The following RADX variants were observed in gnomAD, a reference collection of about 807,000 sequenced individuals.
The protein encoded by RADX is RPA1 related single stranded DNA binding protein, X-linked.
A neutral mutation model predicts 61.6 loss-of-function variants in RADX; 36 were observed. That is an observed-to-expected ratio of 0.58 (90% confidence interval 0.45 to 0.77). RADX has a LOEUF of 0.77. Among genes scored for constraint, RADX ranks in the 30% least tolerant of loss-of-function variants. RADX has a pLI of 0.00. For synonymous variants in RADX, 272 were observed against 237.9 expected (o/e 1.14, Z -1.32); for missense variants, 497 against 651.1 (o/e 0.76, Z 2.58).
In RADX at chrX:106,621,775, G is replaced by A. The variant is rs772069846; in HGVS notation, c.644-876G>A. 6.4e-5 allele frequency among the ~76,000 whole-genome samples: 7 copies of A among 110,124 alleles called. No homozygotes were observed. In the East Asian group the frequency reaches 1.7e-3, roughly 27 times the overall value. ...TTGAGCAAAACTTGAAGAGAGGAGG[G>A]AGAAAGTCATTTGGATATATAAAGG... On this transcript the variant is annotated intron_variant, in intron 1 of 13. Transcript: ENST00000372548.
At chrX:106,649,672 G>A (rs751121035) in intron 11 of RADX, among the ~76,000 whole-genome samples, 76 of 111,554 alleles carry the variant, frequency 6.8e-4, no homozygotes, top group African/African-American at 2.3e-3. Flanking sequence ...CCTATTCCAT[G>A]CTGTTTTGGA....
At chrX:106,626,170 C>A (rs1440728277) in intron 3 of RADX, among the ~76,000 whole-genome samples, 2 of 111,313 alleles carry the variant, frequency 1.8e-5, no homozygotes, top group Admixed American at 9.6e-5. Flanking sequence ...TTGTAGATTA[C>A]ATTGCTTAAG....
At chrX:106,634,422 C>T (rs1401426621) in intron 6 of RADX, among the ~76,000 whole-genome samples, 1 of 111,584 alleles carries the variant, frequency 9.0e-6, no homozygotes, top group Non-Finnish European at 1.9e-5. Flanking sequence ...GCGTGAGCCA[C>T]TGCACCTGGC....
intron 2 of RADX, among the ~76,000 whole-genome samples, chrX:106,623,204 CTAGATGTTTTTACT>C (rs1431595446): frequency 9.0e-6 from 1 of 111,486 alleles, no homozygotes; most frequent in African/African-American, 3.3e-5. Context: ...GTAGTCTACA[CTAGATGTTTTTACT>C]TTCTTGCCTC....
chrX:106,629,358 C>A (rs1003269338), intron 3 of RADX, among the ~76,000 whole-genome samples: 1 of 111,738 alleles, frequency 8.9e-6, no homozygotes, highest in Non-Finnish European at 1.9e-5. Context: ...TATGAATAGA[C>A]TGAAACTCAT....
intron 11 of RADX, among the ~76,000 whole-genome samples, chrX:106,660,092 C>G (rs1198932605): frequency 3.6e-5 from 4 of 111,547 alleles, no homozygotes; most frequent in East Asian, 5.6e-4. Context: ...TGATTATGTA[C>G]TTTTATTAGT....
At position 106,636,544 on chromosome X, in the gene RADX, G is replaced by C. The variant is rs780859177; in HGVS notation, c.1305G>C (p.Met435Ile). ...TTCATAAGTGTTTTTGTTCTCTAGTGGCATATTTTGTGTGTACACAGTTGA... is the reference window on the plus strand; with the variant it reads ...TTCATAAGTGTTTTTGTTCTCTAGTCGCATATTTTGTGTGTACACAGTTGA... ...QPEIFENIYPMAYFVCTQLKV... is the reference protein window; with the variant it reads ...QPEIFENIYPIAYFVCTQLKV... The change falls in exon 7 of 14, where the codon ATG (methionine) becomes ATC (isoleucine). Residue 435 changes from methionine (M) to isoleucine (I), a missense_variant and splice_region_variant. By Grantham distance (10) the Met-to-Ile change is conservative. Around this residue, in one of 3 missense-constraint regions of RADX, gnomAD observed 196 missense variants for 315.0 expected, o/e 0.62. Transcript: ENST00000372548. 8.7e-7 allele frequency: 1 copy of C among 1,151,034 alleles called. No individual in the cohort carries two copies. The highest frequency in any genetic ancestry group is 1.8e-5 in the African/African-American group (1 of 55,891). 94.9% of individuals were successfully genotyped at this position (1,151,034 alleles called of 1,213,427 possible). A position where few individuals can be genotyped will look rare whatever the true frequency, so the allele number is the denominator to read the frequency against.
rs1224511266 is a variant in RADX at position 106,639,686 on chromosome X, G to A, written c.1733G>A (p.Arg578Gln). 6.0e-6 allele frequency: 7 copies of A among 1,168,345 alleles called. No homozygotes were observed. Among genetic ancestry groups the A allele is most frequent in the Non-Finnish European group, 4.6e-6 (4 of 873,028 alleles). Residue 578 changes from arginine (R) to glutamine (Q), a missense_variant and splice_region_variant, in exon 9 of 14, where the codon CGG becomes CAG. Transcript: ENST00000372548. Reference protein sequence around the residue: ...TESASASETLRNANRPSTSQA... With the variant: ...TESASASETLQNANRPSTSQA... ...AGTGCCTCAGCATCAGAAACACTTC[G>A]GGTATGGTGCCAGAGAATTAATAGT...
chrX:106,642,216 G>C lies in RADX; in HGVS notation c.1904+1495G>C, dbSNP rs771042153. Among the ~76,000 whole-genome samples the C allele has an allele frequency of 5.4e-5, 6 of 110,467 alleles. No individual in the cohort carries two copies. The South Asian group carries it at 2.3e-3, about 43-fold the overall frequency. The stretch of plus-strand genomic sequence containing the variant: ...GAAATAAGAATGTCATGGAGAATGG[G>C]GTATCCATCCCATCAAGCATTTATC... On this transcript the variant is annotated intron_variant, in intron 10 of 13. Transcript: ENST00000372548.
At chrX:106,628,644 A>ATTT (rs35521933) in intron 3 of RADX, among the ~76,000 whole-genome samples, 2 of 98,372 alleles carry the variant, frequency 2.0e-5, no homozygotes, top group African/African-American at 7.7e-5. Flanking sequence ...TAATATGTGA[A>ATTT]TTTTTTTTTT....
intron 13 of RADX, among the ~76,000 whole-genome samples, chrX:106,676,935 C>T (rs1021227549): frequency 8.9e-6 from 1 of 111,787 alleles, no homozygotes; most frequent in Non-Finnish European, 1.9e-5. Flanking sequence ...TTAAAGCCCA[C>T]TTTACACCAC....
chrX:106,675,072 A>T (rs1048674818), intron 13 of RADX, among the ~76,000 whole-genome samples: 18 of 110,897 alleles, frequency 1.6e-4, no homozygotes, highest in African/African-American at 5.9e-4. Flanking sequence ...ATTTTTTTCC[A>T]AATAGCCATT....
intron 3 of RADX, among the ~76,000 whole-genome samples, chrX:106,626,750 C>A (rs1366171506): frequency 8.9e-6 from 1 of 111,804 alleles, no homozygotes; most frequent in Non-Finnish European, 1.9e-5. Context: ...GTAATGTTAG[C>A]GTTGGTGATA....
At chrX:106,677,988 T>C (rs1327791639) in intron 13 of RADX, 140 bp from the exon 14 acceptor site, 3 of 352,239 alleles carry the variant, frequency 8.5e-6, no homozygotes, top group African/African-American at 5.2e-5. Flanking sequence ...GGTAAATGCA[T>C]GTAATAAATT....
At chrX:106,624,229 C>T (rs1167915442) in intron 2 of RADX, among the ~76,000 whole-genome samples, 3 of 111,689 alleles carry the variant, frequency 2.7e-5, no homozygotes, top group Non-Finnish European at 5.6e-5. Flanking sequence ...ACCCATATGC[C>T]TAGTCACTGG....
At chrX:106,675,793 TTAAAGAATTTTTATGATA>T (rs1928493476) in intron 13 of RADX, among the ~76,000 whole-genome samples, 1 of 112,343 alleles carries the variant, frequency 8.9e-6, no homozygotes, top group Non-Finnish European at 1.9e-5. Flanking sequence ...ATAGTCCTTT[TTAAAGAATTTTTATGATA>T]TAAATACTAT....
Position 106,630,659 on chromosome X carries a change from A to G in RADX, c.980-1966A>G, listed in dbSNP as rs367997623. Among the ~76,000 whole-genome samples the G allele has an allele frequency of 3.6e-5, 4 of 111,686 alleles. No homozygotes were observed. In the East Asian group the frequency reaches 8.4e-4, roughly 23 times the overall value. Reference sequence around the variant, plus strand: ...TTTATTATCCTTACCAAACTAATGCAGGAACAAAAAACCAAATACCACATG... The same window carrying G: ...TTTATTATCCTTACCAAACTAATGCGGGAACAAAAAACCAAATACCACATG... On this transcript the variant is annotated intron_variant, in intron 3 of 13. Transcript: ENST00000372548.
intron 13 of RADX, 74 bp from the exon 14 acceptor site, chrX:106,678,054 C>T: frequency 1.5e-6 from 1 of 679,015 alleles, no homozygotes; most frequent in Non-Finnish European, 2.2e-6. Context: ...AAAAAATTAA[C>T]AGCTTATGTG....
chrX:106,670,800 A>G (rs1928345418), intron 13 of RADX, among the ~76,000 whole-genome samples: 1 of 110,737 alleles, frequency 9.0e-6, no homozygotes, highest in Non-Finnish European at 1.9e-5. Context: ...AGAGAGATTC[A>G]CTAGCATGAG....
Sources: allele counts gnomAD v4.1 joint callset (sites outside exome capture counted in the v4.1 genomes callset), GRCh38; gene constraint gnomAD v4.1.1; regional missense constraint gnomAD v4.1.1; transcripts MANE v1.5; gene names NCBI Gene and HGNC (gene_info 2026-07-23, HGNC 2026-07-21).